The following CTBP1 variants were observed in gnomAD, a reference collection of about 807,000 sequenced individuals.
The protein encoded by CTBP1 is C-terminal-binding protein 1.
CTBP1 carries 11 observed loss-of-function variants against 42.1 expected under a neutral mutation model. The ratio of observed to expected loss-of-function variants is 0.26; its 90% confidence interval spans 0.16 to 0.43. The LOEUF is 0.43. Among genes scored for constraint, CTBP1 ranks in the 20% least tolerant of loss-of-function variants. The probability of loss-of-function intolerance (pLI) is 1.00; values close to 1 mark genes in which losing one functional copy is unlikely to be tolerated. For missense variants in CTBP1, 399 were observed against 624.3 expected (o/e 0.64, Z 3.85); for synonymous variants, 324 against 277.1 (o/e 1.17, Z -1.68).
chr4:1,243,534 G>T, intron 1 of CTBP1: 5 of 985,380 alleles, frequency 5.1e-6, no homozygotes, highest in Non-Finnish European at 6.0e-6. Context: ...CCCTGGGGTA[G>T]GTCTGCCCAC....
At chr4:1,242,864 CA>C (rs758371371) in intron 1 of CTBP1, 7 of 985,430 alleles carry the variant, frequency 7.1e-6, no homozygotes, top group South Asian at 9.4e-5. Flanking sequence ...CCAGCCTGGC[CA>C]GGGGGCAAGG....
At chr4:1,248,872 C>T (rs1481939234) in intron 1 of CTBP1, 44 bp downstream of exon 1, 4 of 947,362 alleles carry the variant, frequency 4.2e-6, no homozygotes, top group Non-Finnish European at 5.0e-6. Flanking sequence ...CCGCCCCGCC[C>T]CGCCCCCGCC....
chr4:1,230,369 C>A (rs924905310), intron 3 of CTBP1, among the ~76,000 whole-genome samples: 1 of 152,200 alleles, frequency 6.6e-6, no homozygotes, highest in Non-Finnish European at 1.5e-5. Context: ...GTGCTTCGGG[C>A]AGCCTGGCAA....
rs1732274031 is a variant in CTBP1, at chr4:1,242,428, G to A, written c.-188-909C>T. ...GTGGGCTGAGACGACTGCCTGCCAG[G>A]CCAGAAGGGGCCACTCAGCCAAGCC... On this transcript the variant is annotated intron_variant, in intron 1 of 9. Transcript: ENST00000382952. The A allele has an allele frequency of 5.1e-6, 5 of 985,282 alleles. No homozygotes were observed. In the South Asian group the frequency reaches 2.3e-4, roughly 46 times the overall value. 61.0% of individuals were successfully genotyped at this position (985,282 alleles called of 1,614,324 possible).
Position 1,216,260 on chromosome 4 carries a change from G to A in CTBP1, c.515-55C>T, listed in dbSNP as rs1177217524. 6.6e-6 allele frequency: 10 copies of A among 1,525,534 alleles called. No individual in the cohort carries two copies. In the East Asian group the frequency reaches 7.2e-5, roughly 11 times the overall value. 94.5% of individuals were successfully genotyped at this position (1,525,534 alleles called of 1,614,324 possible). ...CTTGCTCACCCGTGGCCGGGAGGCC[G>A]GCCCCGAAAGCCAGGGTCGGAGTGG... On this transcript the variant is annotated intron_variant, in intron 5 of 9. Coordinates refer to ENST00000382952, the MANE Select transcript of CTBP1 (RefSeq NM_001012614.2).
At chr4:1,237,399 G>A in intron 3 of CTBP1, 2 of 689,656 alleles carry the variant, frequency 2.9e-6, no homozygotes, top group Non-Finnish European at 5.3e-6. Flanking sequence ...AAAACCCCGT[G>A]TCCACCTCCT....
chr4:1,245,144 G>A (rs1227859554), intron 1 of CTBP1: 7 of 985,310 alleles, frequency 7.1e-6, no homozygotes, highest in East Asian at 1.1e-4. Flanking sequence ...AGTCATCCAC[G>A]AGCCGATACG....
At chr4:1,243,873 G>A (rs934823347) in intron 1 of CTBP1, 149 of 985,438 alleles carry the variant, frequency 1.5e-4, no homozygotes, top group East Asian at 1.0e-3. Flanking sequence ...CCAGCGACAC[G>A]AGGACAGTCT....
Position 1,212,296 on chromosome 4 carries a change from G to A in CTBP1, c.1234C>T (p.Pro412Ser). The A allele has an allele frequency of 2.8e-6, 4 of 1,409,756 alleles. No homozygotes were observed. The highest frequency in any genetic ancestry group is 3.8e-6 in the Non-Finnish European group (4 of 1,055,124). The allele number at this position is 1,409,756 out of a possible 1,614,324, so 87.3% of individuals were successfully genotyped here. A position where few individuals can be genotyped will look rare whatever the true frequency, so the allele number is the denominator to read the frequency against. The change falls in exon 10 of 10, where the codon CCT (proline) becomes TCT (serine). Residue 412 changes from proline to serine, a missense_variant. By Grantham distance (74) the Pro-to-Ser change is moderately conservative. Transcript: ENST00000382952. ...GCCTCGGGCTTGACGGTTTGGCCAG[G>A]AGAAGGGGCGTGGGGCGGGTGGGCC... ...PVAHPPHAPS[P>S]GQTVKPEADR... is the part of the protein sequence containing the mutation.
intron 5 of CTBP1, chr4:1,218,207 C>G (rs999153570): frequency 1.3e-5 from 2 of 152,090 alleles, no homozygotes; most frequent in Non-Finnish European, 2.9e-5. Context: ...AGTTCGAGAC[C>G]AGCCTGGCCA....
rs536644083 is a variant in CTBP1, at chr4:1,241,475, T to C, written c.-144A>G. On this transcript the variant is annotated 5_prime_UTR_variant, in exon 2 of 10. Coordinates refer to ENST00000382952, the MANE Select transcript of CTBP1 (RefSeq NM_001012614.2). Reference sequence around the variant, plus strand: ...TCTCGAGCCAAAGTGCTCAGGCTTCTGATCCGCGGCAATCACTGAAGCCTG... The same window carrying C: ...TCTCGAGCCAAAGTGCTCAGGCTTCCGATCCGCGGCAATCACTGAAGCCTG... 6.2e-7 allele frequency: 1 copy of C among 1,605,010 alleles called. No individual in the cohort carries two copies. Among genetic ancestry groups the C allele is most frequent in the Non-Finnish European group, 8.5e-7 (1 of 1,176,598 alleles).
chr4:1,212,589 C>A, intron 9 of CTBP1, 166 bp from the exon 10 acceptor site: 1 of 683,742 alleles, frequency 1.5e-6, no homozygotes, highest in Non-Finnish European at 2.3e-6. Context: ...GCAGCTACTT[C>A]TCAGGGCTGG....
At chr4:1,243,031 C>T (rs767768497) in intron 1 of CTBP1, 10 of 985,428 alleles carry the variant, frequency 1.0e-5, no homozygotes, top group South Asian at 4.7e-5. Flanking sequence ...CTCATTGATA[C>T]GGGCCAATAC....
At chr4:1,248,816 C>CG (rs1733051435) in intron 1 of CTBP1, 100 bp downstream of exon 1, 1 of 924,702 alleles carries the variant, frequency 1.1e-6, no homozygotes, top group African/African-American at 1.8e-5. Flanking sequence ...CGGCGGCCCG[C>CG]GGGCGCGCGC....
chr4:1,233,667 T>C lies in CTBP1; in HGVS notation c.162+4516A>G, dbSNP rs113621216. Among the ~76,000 whole-genome samples, 1 of 152,194 alleles carries C rather than the reference T, an allele frequency of 6.6e-6. No individual in the cohort carries two copies. The highest frequency in any genetic ancestry group is 2.4e-5 in the African/African-American group (1 of 41,520). ...GGTGGGTGACATCCCCCACCCGTGG[T>C]ATCAGTAAAATCCCAGTCCTGAACC... is the stretch of plus-strand genomic sequence containing the variant. On this transcript the variant is annotated intron_variant, in intron 3 of 9. Coordinates refer to ENST00000382952, the MANE Select transcript of CTBP1 (RefSeq NM_001012614.2). The surrounding 1 kb of genome is among the most constrained non-coding windows in gnomAD (Gnocchi z 4.6).
Position 1,238,005 on chromosome 4 carries a change from G to A in CTBP1, c.162+178C>T, listed in dbSNP as rs1292480007. 3 of 823,742 alleles carry A rather than the reference G, an allele frequency of 3.6e-6. No individual in the cohort carries two copies. Among genetic ancestry groups the A allele is most frequent in the Non-Finnish European group, 6.1e-6 (3 of 489,298 alleles). 51.0% of individuals were successfully genotyped at this position (823,742 alleles called of 1,614,324 possible). ...AGGGCAAACCCGATGTCCACCTCCT[G>A]ATGGTGTCCAGGGAAAACCCCGTGT... On this transcript the variant is annotated intron_variant, in intron 3 of 9. Coordinates refer to ENST00000382952, the MANE Select transcript of CTBP1 (RefSeq NM_001012614.2). The surrounding 1 kb of genome is among the most constrained non-coding windows in gnomAD (Gnocchi z 5.9).
At chr4:1,236,349 A>T in intron 3 of CTBP1, 1 of 446,296 alleles carries the variant, frequency 2.2e-6, no homozygotes. Context: ...AGCTGCCCAA[A>T]GGCTGCTCAC....
intron 1 of CTBP1, among the ~76,000 whole-genome samples, chr4:1,247,096 C>A (rs1732795125): frequency 6.6e-6 from 1 of 152,234 alleles, no homozygotes; most frequent in South Asian, 2.1e-4. Flanking sequence ...TCCCCCACTG[C>A]CACGTTCTCA....
Position 1,212,213 on chromosome 4 carries a change from C to G in CTBP1, c.*27G>C, listed in dbSNP as rs371763271. 7.1e-7 allele frequency: 1 copy of G among 1,413,632 alleles called. No homozygotes were observed. Among genetic ancestry groups the G allele is most frequent in the Non-Finnish European group, 9.3e-7 (1 of 1,079,684 alleles). The allele number at this position is 1,413,632 out of a possible 1,614,324, so 87.6% of individuals were successfully genotyped here. A position where few individuals can be genotyped will look rare whatever the true frequency, so the allele number is the denominator to read the frequency against. On this transcript the variant is annotated 3_prime_UTR_variant, in exon 10 of 10. Coordinates refer to ENST00000382952, the MANE Select transcript of CTBP1 (RefSeq NM_001012614.2). ...AGGGTTTCCGGGCCCTCTGCCCAGG[C>G]GCCGAGGCTGGAGAGCTCCTCCCGG...
Sources: gnomAD v4.1 joint callset for allele counts (sites outside exome capture counted in the v4.1 genomes callset) on GRCh38, gnomAD v4.1.1 for gene constraint, Gnocchi (gnomAD v3.1) non-coding constraint, MANE v1.5 for transcripts, NCBI Gene and HGNC (gene_info 2026-07-23, HGNC 2026-07-21) for gene names.